The following SMG1 variants were observed in gnomAD, a reference collection of about 807,000 sequenced individuals.
The protein encoded by SMG1 is serine/threonine-protein kinase SMG1.
In SMG1, 22 loss-of-function variants were observed where a neutral mutation model predicts 419.9. The observed-to-expected ratio is 0.05, with a 90% CI of 0.04 to 0.07. The LOEUF (loss-of-function observed/expected upper bound fraction) is 0.07, where lower values mean the gene tolerates loss of function less well. Ranked by LOEUF, SMG1 falls within the 10% of genes least tolerant of loss-of-function variation. The probability of loss-of-function intolerance (pLI) is 1.00; values close to 1 mark genes in which losing one functional copy is unlikely to be tolerated. For missense variants in SMG1, 3,185 were observed against 4,342.0 expected (o/e 0.73, Z 7.49); for synonymous variants, 1,538 against 1,553.5 (o/e 0.99, Z 0.23).
At chr16:18,872,918 G>GT (rs1040652029) in intron 13 of SMG1, among the ~76,000 whole-genome samples, 61 of 152,090 alleles carry the variant, frequency 4.0e-4, no homozygotes, top group Non-Finnish European at 8.1e-4. Context: ...CTTTGGGAGG[G>GT]TAAGGTGGGC....
intron 1 of SMG1, among the ~76,000 whole-genome samples, chr16:18,920,528 AAAAAAT>A (rs1293260553): frequency 6.6e-6 from 1 of 151,908 alleles, no homozygotes; most frequent in Non-Finnish European, 1.5e-5. Context: ...CATCTCTACA[AAAAAAT>A]AAAAATAAAA....
chr16:18,859,257 A>C (rs1262380486), intron 27 of SMG1, 76 bp from the exon 28 acceptor site: 1 of 1,176,804 alleles, frequency 8.5e-7, no homozygotes, highest in Non-Finnish European at 1.2e-6. Context: ...AATTGATAAG[A>C]TGCTATCAAA....
chr16:18,912,292 T>C (rs2037824775), intron 1 of SMG1, among the ~76,000 whole-genome samples: 1 of 151,608 alleles, frequency 6.6e-6, no homozygotes, highest in African/African-American at 2.4e-5. Flanking sequence ...GATGTATTTA[T>C]TTGCAAAGAG....
intron 19 of SMG1, 144 bp from the exon 20 acceptor site, chr16:18,869,447 GT>G (rs1296854744): frequency 4.4e-6 from 3 of 689,098 alleles, no homozygotes; most frequent in Admixed American, 2.8e-5. Context: ...GAAGCATTGT[GT>G]CCCCCCTCTC....
At chr16:18,859,316 T>G in intron 27 of SMG1, 135 bp from the exon 28 acceptor site, 2 of 653,844 alleles carry the variant, frequency 3.1e-6, no homozygotes, top group African/African-American at 1.8e-5. Context: ...TGCTCTATAA[T>G]AAAATGATAT....
rs1331167258 is a variant in SMG1 at position 18,874,919 on chromosome 16, T to TC, written c.1890+1204dup. Among the ~76,000 whole-genome samples, 946 of 131,104 alleles carry TC rather than the reference T, an allele frequency of 7.2e-3. 10 individuals are homozygous for TC. Among genetic ancestry groups the TC allele is most frequent in the Middle Eastern group, 0.016 (4 of 250 alleles). 86.0% of individuals were successfully genotyped at this position (131,104 alleles called of 152,430 possible). A position where few individuals can be genotyped will look rare whatever the true frequency, so the allele number is the denominator to read the frequency against. On this transcript the variant is annotated intron_variant, in intron 13 of 62. Transcript: ENST00000446231. The stretch of plus-strand genomic sequence containing the variant: ...AAAAAAAGCCTTTTTTTTTTTTTTT[T>TC]CCCCTAAAAGAAGGACTACGGGTTG...
intron 26 of SMG1, 21 bp downstream of exon 26, chr16:18,860,646 T>C (rs767721215): frequency 1.7e-6 from 2 of 1,151,792 alleles, no homozygotes; most frequent in East Asian, 2.4e-5. Flanking sequence ...AAAATAACTT[T>C]AAAACTATTT....
chr16:18,887,672 T>TA (rs368196825), intron 6 of SMG1, among the ~76,000 whole-genome samples: 1,189 of 65,642 alleles, frequency 0.018, 83 homozygotes, highest in African/African-American at 0.027. Flanking sequence ...ACTTTTTATT[T>TA]AAAAAAAAAA....
At chr16:18,820,946 TAGA>T (rs773950776) in intron 55 of SMG1, among the ~76,000 whole-genome samples, 5 of 152,188 alleles carry the variant, frequency 3.3e-5, no homozygotes, top group Non-Finnish European at 5.9e-5. Flanking sequence ...AAAAAATAAG[TAGA>T]AGGATTATGT....
At chr16:18,887,042 GTCA>G (rs1260148917) in intron 6 of SMG1, among the ~76,000 whole-genome samples, 14 of 152,174 alleles carry the variant, frequency 9.2e-5, no homozygotes, top group African/African-American at 3.4e-4. Flanking sequence ...GGGGTGAACT[GTCA>G]TCATGTGTAT....
intron 9 of SMG1, among the ~76,000 whole-genome samples, chr16:18,882,701 G>T: frequency 6.6e-6 from 1 of 152,130 alleles, no homozygotes. Flanking sequence ...TCTCATTCTA[G>T]GTATTCTTTG....
At chr16:18,905,614 C>T (rs1384881066) in intron 1 of SMG1, among the ~76,000 whole-genome samples, 20 of 127,994 alleles carry the variant, frequency 1.6e-4, no homozygotes, top group Non-Finnish European at 2.6e-4. Flanking sequence ...TTCTTCATTT[C>T]ATTTTTTTTT....
At chr16:18,812,655 CACACACAT>C (rs2031567722) in intron 60 of SMG1, among the ~76,000 whole-genome samples, 1 of 147,516 alleles carries the variant, frequency 6.8e-6, no homozygotes, top group Admixed American at 6.9e-5. Context: ...TATACACACA[CACACACAT>C]ATATATATAC....
chr16:18,872,855 G>T (rs959760392), intron 13 of SMG1, among the ~76,000 whole-genome samples: 2 of 152,232 alleles, frequency 1.3e-5, no homozygotes, highest in East Asian at 3.9e-4. Flanking sequence ...TATCGCTACA[G>T]TAAGAAAACA....
chr16:18,820,267 A>C (rs2032403582), intron 55 of SMG1, among the ~76,000 whole-genome samples: 1 of 151,496 alleles, frequency 6.6e-6, no homozygotes. Flanking sequence ...CCCAGCTACT[A>C]TCTTGGCTCA....
At chr16:18,885,437 A>T (rs545532866) in intron 7 of SMG1, 104 bp downstream of exon 7, 1 of 1,404,034 alleles carries the variant, frequency 7.1e-7, no homozygotes, top group East Asian at 2.3e-5. Flanking sequence ...CACTGATTAT[A>T]TTCAAAGGAG....
rs186428576 is a variant in SMG1, at chr16:18,919,498, C to A, written c.92+6452G>T. Reference sequence around the variant, plus strand: ...AATTAGCCAGGCATCATAGCGGGCACCTGCAATCCCAGCTACTCAGGAGGA... The same window carrying A: ...AATTAGCCAGGCATCATAGCGGGCAACTGCAATCCCAGCTACTCAGGAGGA... On this transcript the variant is annotated intron_variant, in intron 1 of 62. Coordinates refer to ENST00000446231, the MANE Select transcript of SMG1 (RefSeq NM_015092.5). Among the ~76,000 whole-genome samples, 464 of 151,970 alleles carry A rather than the reference C, an allele frequency of 3.1e-3. 2 individuals carry two copies. The highest frequency in any genetic ancestry group is 4.6e-3 in the Non-Finnish European group (311 of 67,978).
At position 18,837,469 on chromosome 16, in the gene SMG1, A is replaced by C. The variant is rs775521226; in HGVS notation, c.7414-26T>G. On this transcript the variant is annotated intron_variant, in intron 45 of 62. Transcript: ENST00000446231. ...CTGTAAAAAGATATTACGATTAAGA[A>C]GACTCTTACAGGGCCAATTTTGAGA... 8.2e-6 allele frequency: 13 copies of C among 1,583,964 alleles called. No homozygotes were observed. In the Admixed American group the frequency reaches 2.2e-4, roughly 26 times the overall value.
chr16:18,849,089 A>T, intron 36 of SMG1, 128 bp downstream of exon 36: 1 of 273,880 alleles, frequency 3.7e-6, no homozygotes, highest in Admixed American at 5.7e-5. Flanking sequence ...AAAAAAAAAA[A>T]AAAAAAAAAA....
Sources: allele counts gnomAD v4.1 joint callset (sites outside exome capture counted in the v4.1 genomes callset), GRCh38; gene constraint gnomAD v4.1.1; transcripts MANE v1.5; gene names NCBI Gene and HGNC (gene_info 2026-07-23, HGNC 2026-07-21).